Variants in DCBLD2 observed in about 807,000 individuals in gnomAD.
DCBLD2 encodes discoidin, CUB and LCCL domain-containing protein 2.
A neutral mutation model predicts 86.8 loss-of-function variants in DCBLD2; 54 were observed. That is an observed-to-expected ratio of 0.62 (90% CI 0.50 to 0.78). The LOEUF (loss-of-function observed/expected upper bound fraction) is 0.78, where lower values mean the gene tolerates loss of function less well. Ranked by LOEUF, DCBLD2 falls within the 30% of genes least tolerant of loss-of-function variation. The pLI is 0.00. For missense variants in DCBLD2, 908 were observed against 954.2 expected (o/e 0.95, Z 0.64); for synonymous variants, 354 against 341.3 (o/e 1.04, Z -0.41).
At chr3:98,866,836 T>A (rs1943156961) in intron 2 of DCBLD2, among the ~76,000 whole-genome samples, 1 of 152,260 alleles carries the variant, frequency 6.6e-6, no homozygotes, top group African/African-American at 2.4e-5. Flanking sequence ...TTTTATGGTT[T>A]TAGGTCTAAC....
At chr3:98,855,299 C>A (rs1383072063) in intron 2 of DCBLD2, among the ~76,000 whole-genome samples, 1 of 152,102 alleles carries the variant, frequency 6.6e-6, no homozygotes, top group Non-Finnish European at 1.5e-5. Flanking sequence ...GCCATCAGTA[C>A]ACACACACCA....
intron 1 of DCBLD2, 32 bp from the exon 2 acceptor site, chr3:98,881,799 T>C: frequency 1.1e-5 from 17 of 1,572,102 alleles, no homozygotes; most frequent in African/African-American, 4.1e-5. Context: ...TGATAAATTA[T>C]TCTCACATAT....
Position 98,801,679 on chromosome 3 carries a change from A to G in DCBLD2, c.1671-30T>C, listed in dbSNP as rs1055769434. 2.5e-6 allele frequency: 4 copies of G among 1,575,176 alleles called. No individual in the cohort carries two copies. The African/African-American group carries it at 5.4e-5, about 21-fold the overall frequency. ...AAAAATACAGAAGAGAAGTTAGCAA[A>G]CAGAGTAAATTCACTGGTAAGCCTG... On this transcript the variant is annotated intron_variant, in intron 13 of 15. Coordinates refer to ENST00000326840, the MANE Select transcript of DCBLD2 (RefSeq NM_080927.4).
chr3:98,833,612 G>A (rs1442106430), intron 3 of DCBLD2, among the ~76,000 whole-genome samples: 1 of 152,158 alleles, frequency 6.6e-6, no homozygotes, highest in African/African-American at 2.4e-5. Flanking sequence ...GGTCAGGTGG[G>A]GGTACAGTGG....
chr3:98,836,964 A>T (rs1422354003), intron 3 of DCBLD2, among the ~76,000 whole-genome samples: 1 of 67,076 alleles, frequency 1.5e-5, no homozygotes, highest in African/African-American at 6.7e-5. Flanking sequence ...CTGGCCGGGC[A>T]GAGGGGCTCC....
At chr3:98,842,314 G>GTTA (rs1942636660) in intron 3 of DCBLD2, among the ~76,000 whole-genome samples, 1 of 152,150 alleles carries the variant, frequency 6.6e-6, no homozygotes, top group Non-Finnish European at 1.5e-5. Context: ...AAAGGATGTA[G>GTTA]GATAAGCCTG....
chr3:98,857,059 T>C (rs1429288956), intron 2 of DCBLD2, among the ~76,000 whole-genome samples: 1 of 152,204 alleles, frequency 6.6e-6, no homozygotes, highest in Non-Finnish European at 1.5e-5. Context: ...GAGTTTGTTC[T>C]TTCTGATGTT....
At chr3:98,871,270 C>G (rs1437076015) in intron 2 of DCBLD2, among the ~76,000 whole-genome samples, 1 of 152,064 alleles carries the variant, frequency 6.6e-6, no homozygotes, top group African/African-American at 2.4e-5. Context: ...CTTAGATGCC[C>G]TTTATTTCTT....
At chr3:98,819,581 A>G (rs1164908049) in intron 7 of DCBLD2, 164 bp from the exon 8 acceptor site, 4 of 711,558 alleles carry the variant, frequency 5.6e-6, no homozygotes, top group Non-Finnish European at 9.4e-6. Context: ...TCTTGGGCAT[A>G]TGTCTTTGTG....
chr3:98,827,818 C>A (rs930928200), intron 3 of DCBLD2, among the ~76,000 whole-genome samples: 4 of 152,230 alleles, frequency 2.6e-5, no homozygotes, highest in Admixed American at 6.5e-5. Flanking sequence ...CTAATAAGAA[C>A]ACAGCCTAGC....
chr3:98,817,688 C>T, intron 9 of DCBLD2, 81 bp downstream of exon 9: 1 of 1,423,830 alleles, frequency 7.0e-7, no homozygotes, highest in Non-Finnish European at 9.7e-7. Context: ...TTCTACATCT[C>T]TTTTATACAG....
chr3:98,858,459 C>T (rs1032234397), intron 2 of DCBLD2, among the ~76,000 whole-genome samples: 8 of 152,220 alleles, frequency 5.3e-5, no homozygotes, highest in East Asian at 3.9e-4. Context: ...GCGAGGCCTG[C>T]GAGGGCTGCC....
chr3:98,808,560 A>T (rs900379874), intron 12 of DCBLD2, among the ~76,000 whole-genome samples: 1 of 152,230 alleles, frequency 6.6e-6, no homozygotes, highest in African/African-American at 2.4e-5. Context: ...GCAGAGATTA[A>T]CTAGTAATAC....
At chr3:98,835,938 CTTTTT>C (rs66958811) in intron 3 of DCBLD2, among the ~76,000 whole-genome samples, 2 of 115,054 alleles carry the variant, frequency 1.7e-5, no homozygotes, top group African/African-American at 6.7e-5. Context: ...TCCTTTCTTT[CTTTTT>C]TTTTTTTTTT....
At chr3:98,830,428 G>A (rs1322253433) in intron 3 of DCBLD2, among the ~76,000 whole-genome samples, 1 of 152,190 alleles carries the variant, frequency 6.6e-6, no homozygotes, top group Non-Finnish European at 1.5e-5. Flanking sequence ...ATATAAGGAA[G>A]GGGTCCAGCT....
intron 2 of DCBLD2, among the ~76,000 whole-genome samples, chr3:98,859,053 T>C (rs7614892): frequency 0.17 from 25,175 of 152,100 alleles, 2,180 homozygotes; most frequent in African/African-American, 0.22. Context: ...AATGGTCTTA[T>C]AGCAAACGGC....
intron 2 of DCBLD2, 70 bp downstream of exon 2, chr3:98,881,470 T>C: frequency 2.2e-6 from 3 of 1,380,116 alleles, no homozygotes; most frequent in Non-Finnish European, 3.1e-6. Context: ...TTATTTAATG[T>C]TAATATCAAA....
chr3:98,854,025 T>C (rs962626371), intron 2 of DCBLD2, among the ~76,000 whole-genome samples: 1 of 152,038 alleles, frequency 6.6e-6, no homozygotes, highest in African/African-American at 2.4e-5. Flanking sequence ...GCATCTCTAG[T>C]CTCAAAAACA....
intron 1 of DCBLD2, among the ~76,000 whole-genome samples, chr3:98,883,772 C>A (rs1943514001): frequency 6.6e-6 from 1 of 152,098 alleles, no homozygotes; most frequent in South Asian, 2.1e-4. Flanking sequence ...ACAGCACTTA[C>A]ACAAAAACTA....
Sources: allele counts gnomAD v4.1 joint callset (sites outside exome capture counted in the v4.1 genomes callset), GRCh38; gene constraint gnomAD v4.1.1; transcripts MANE v1.5; gene names NCBI Gene and HGNC (gene_info 2026-07-23, HGNC 2026-07-21).